The following MED31 variants were observed in gnomAD, a reference collection of about 807,000 sequenced individuals.
MED31 encodes mediator complex subunit 31, also known as mediator of RNA polymerase II transcription subunit 31.
MED31 carries 11 observed loss-of-function variants against 22.0 expected under a neutral mutation model. That is an observed-to-expected ratio of 0.50 (90% CI 0.31 to 0.83). The LOEUF is 0.83. MED31 is among the 40% of genes least tolerant of loss of function. The pLI is 0.04. For synonymous variants in MED31, 60 were observed against 55.1 expected, an observed-to-expected ratio of 1.09 and a Z score of -0.40; for missense variants, 122 against 155.3, an observed-to-expected ratio of 0.79 and a Z score of 1.14.
chr17:6,647,237 T>C (rs774034555), intron 3 of MED31, among the ~76,000 whole-genome samples: 2 of 152,224 alleles, frequency 1.3e-5, no homozygotes, highest in Non-Finnish European at 2.9e-5. Flanking sequence ...CCTCGCATGC[T>C]GAGTGTGCCG....
intron 3 of MED31, among the ~76,000 whole-genome samples, chr17:6,644,897 C>A (rs576101828): frequency 7.2e-5 from 11 of 152,328 alleles, no homozygotes; most frequent in Non-Finnish European, 1.5e-4. Context: ...CAAGACCACA[C>A]AACACAGTAA....
chr17:6,644,064 G>A lies in MED31; in HGVS notation c.*403C>T, dbSNP rs920559252. ...CTACATCTTAGAGTAGAGTGGTAGA[G>A]TAGTTGATCTGAGACAGTAAGGTTC... On this transcript the variant is annotated 3_prime_UTR_variant, in exon 4 of 4. Coordinates refer to ENST00000225728, the MANE Select transcript of MED31 (RefSeq NM_016060.3). 9.8e-6 allele frequency: 4 copies of A among 406,168 alleles called. No individual in the cohort carries two copies. The East Asian group carries it at 1.1e-4, about 11-fold the overall frequency. The allele number at this position is 406,168 out of a possible 1,614,324, so 25.2% of individuals were successfully genotyped here.
rs773946993 is a variant in MED31, at chr17:6,644,497, C to T, written c.366G>A (p.Gln122=). Residue 122 remains glutamine (Q), a synonymous_variant, in exon 4 of 4, where the codon CAG becomes CAA. Transcript: ENST00000225728. ...RMRLQQALAE[Q]QQQNNTSGK Reference sequence around the variant, plus strand: ...TTCCCGATGTGTTATTTTGCTGTTGCTGCTCTGCCAAGGCTTGCTGAAGGC... The same window carrying T: ...TTCCCGATGTGTTATTTTGCTGTTGTTGCTCTGCCAAGGCTTGCTGAAGGC... 8 of 1,605,410 alleles carry T rather than the reference C, an allele frequency of 5.0e-6. No homozygotes were observed. The African/African-American group carries it at 1.1e-4, about 22-fold the overall frequency.
At chr17:6,649,527 G>T (rs534769590) in intron 3 of MED31, among the ~76,000 whole-genome samples, 26 of 152,134 alleles carry the variant, frequency 1.7e-4, no homozygotes, top group Admixed American at 1.7e-3. Flanking sequence ...TTTACAGATT[G>T]TGAGTTCTTA....
rs149217443 is a variant in MED31 at position 6,649,492 on chromosome 17, T to G, written c.203+490A>C. On this transcript the variant is annotated intron_variant, in intron 3 of 3. Transcript: ENST00000225728. ...TCCTTACAGATACCCTCTTTTAATTTCAGCCCATGGCTTATGCTACTACAT... is the reference window on the plus strand; with the variant it reads ...TCCTTACAGATACCCTCTTTTAATTGCAGCCCATGGCTTATGCTACTACAT... Among the ~76,000 whole-genome samples the G allele has an allele frequency of 4.6e-3, 697 of 152,326 alleles. 2 individuals are homozygous for G. The highest frequency in any genetic ancestry group is 0.016 in the African/African-American group (666 of 41,580).
At chr17:6,650,811 G>A (rs944963579) in intron 1 of MED31, among the ~76,000 whole-genome samples, 1 of 152,086 alleles carries the variant, frequency 6.6e-6, no homozygotes. Context: ...TTTCGCAAAC[G>A]CTAGGGGCTG....
rs376232583 is a variant in MED31, at chr17:6,651,580, G to C, written c.-52C>G. The C allele has an allele frequency of 1.6e-5, 25 of 1,611,724 alleles. No individual in the cohort carries two copies. The highest frequency in any genetic ancestry group is 1.7e-5 in the Non-Finnish European group (20 of 1,178,962). ...CAGCCTGACAGAGCAAAAGCCCAGA[G>C]ACGCGGGCGAAGTTCCGGAAACCAC... On this transcript the variant is annotated 5_prime_UTR_variant, in exon 1 of 4. Transcript: ENST00000225728.
chr17:6,651,250 C>A (rs1319605376), intron 1 of MED31: 1 of 478,042 alleles, frequency 2.1e-6, no homozygotes, highest in East Asian at 3.3e-5. Context: ...ACACACAAGT[C>A]CTCTCCCTTA....
Position 6,644,380 on chromosome 17 carries a change from AGG to A in MED31, c.*85_*86del. 7.0e-7 allele frequency: 1 copy of A among 1,430,958 alleles called. No homozygotes were observed. Among genetic ancestry groups the A allele is most frequent in the Non-Finnish European group, 9.3e-7 (1 of 1,080,210 alleles). 88.6% of individuals were successfully genotyped at this position (1,430,958 alleles called of 1,614,324 possible). A position where few individuals can be genotyped will look rare whatever the true frequency, so the allele number is the denominator to read the frequency against. Reference sequence around the variant, plus strand: ...AGGGGCTACCATAATAAAGGTAGATAGGAAGAGTTTTCATTTTTTTTGTCTTC... The same window carrying A: ...AGGGGCTACCATAATAAAGGTAGATAAAGAGTTTTCATTTTTTTTGTCTTC... On this transcript the variant is annotated 3_prime_UTR_variant, in exon 4 of 4. Transcript: ENST00000225728.
At position 6,644,210 on chromosome 17, in the gene MED31, C is replaced by T. The variant is rs1972734777; in HGVS notation, c.*257G>A. The T allele has an allele frequency of 4.1e-6, 2 of 483,776 alleles. No homozygotes were observed. The highest frequency in any genetic ancestry group is 7.7e-5 in the Admixed American group (2 of 25,826). The allele number at this position is 483,776 out of a possible 1,614,324, so 30.0% of individuals were successfully genotyped here. On this transcript the variant is annotated 3_prime_UTR_variant, in exon 4 of 4. Transcript: ENST00000225728. ...ATTTGGTCTAAAGCACCTAACTTTT[C>T]CATTCTTAATCAGCTGATTATGCTA... is the stretch of plus-strand genomic sequence containing the variant.
intron 3 of MED31, among the ~76,000 whole-genome samples, chr17:6,647,636 C>A (rs746381577): frequency 8.5e-5 from 13 of 152,222 alleles, no homozygotes; most frequent in Non-Finnish European, 1.6e-4. Flanking sequence ...CAAAGATTTG[C>A]TATCCACACA....
At position 6,650,032 on chromosome 17, in the gene MED31, A is replaced by G; in HGVS notation, c.153T>C (p.Tyr51=). The G allele has an allele frequency of 6.2e-7, 1 of 1,603,444 alleles. No individual in the cohort carries two copies. Among genetic ancestry groups the G allele is most frequent in the Non-Finnish European group, 8.5e-7 (1 of 1,177,390 alleles). ...GYFKDKAFVN[Y]LKYLLYWKDP... ...CTTTCCAGTAAAGCAAGTATTTAAG[A>G]TAATTAACAAAAGCTTTGTCTTTGA... Residue 51 remains tyrosine, a synonymous_variant, in exon 3 of 4, where the codon TAT becomes TAC. Transcript: ENST00000225728.
In MED31 at chr17:6,644,086, G is replaced by T. The variant is rs570651782; in HGVS notation, c.*381C>A. 1.5e-5 allele frequency: 6 copies of T among 409,926 alleles called. No homozygotes were observed. Among genetic ancestry groups the T allele is most frequent in the Non-Finnish European group, 2.2e-5 (5 of 232,396 alleles). 25.4% of individuals were successfully genotyped at this position (409,926 alleles called of 1,614,324 possible). A position where few individuals can be genotyped will look rare whatever the true frequency, so the allele number is the denominator to read the frequency against. ...AGAGTAGTTGATCTGAGACAGTAAGGTTCCAGGAGATGGTCTTGCCCTACT... is the reference window on the plus strand; with the variant it reads ...AGAGTAGTTGATCTGAGACAGTAAGTTTCCAGGAGATGGTCTTGCCCTACT... On this transcript the variant is annotated 3_prime_UTR_variant, in exon 4 of 4. Coordinates refer to ENST00000225728, the MANE Select transcript of MED31 (RefSeq NM_016060.3).
intron 3 of MED31, 153 bp downstream of exon 3, chr17:6,649,829 T>C (rs1455702863): frequency 5.7e-6 from 4 of 703,698 alleles, no homozygotes; most frequent in Non-Finnish European, 6.4e-6. Flanking sequence ...ATTACTGCAG[T>C]GTTACAAGTT....
In MED31 at chr17:6,651,542, A is replaced by C; in HGVS notation, c.-14T>G. On this transcript the variant is annotated 5_prime_UTR_variant, in exon 1 of 4. Transcript: ENST00000225728. ...AGCAGCGGCCATAACAAACGAAGACACCAAAACGCCACCAGCCTGACAGAG... is the reference window on the plus strand; with the variant it reads ...AGCAGCGGCCATAACAAACGAAGACCCCAAAACGCCACCAGCCTGACAGAG... The C allele has an allele frequency of 6.2e-7, 1 of 1,614,090 alleles. No homozygotes were observed. The highest frequency in any genetic ancestry group is 8.5e-7 in the Non-Finnish European group (1 of 1,179,998).
chr17:6,648,982 T>A (rs1442830459), intron 3 of MED31, among the ~76,000 whole-genome samples: 1 of 152,316 alleles, frequency 6.6e-6, no homozygotes, highest in South Asian at 2.1e-4. Flanking sequence ...TAAAAGTCTG[T>A]TCTTTGGATT....
At chr17:6,650,981 A>C (rs1255446409) in intron 1 of MED31, among the ~76,000 whole-genome samples, 5 of 151,622 alleles carry the variant, frequency 3.3e-5, no homozygotes, top group South Asian at 2.1e-4. Context: ...ATTAGCCGGG[A>C]GCGGTGGCGG....
At position 6,644,370 on chromosome 17, in the gene MED31, A is replaced by G; in HGVS notation, c.*97T>C. 3.7e-6 allele frequency: 5 copies of G among 1,368,548 alleles called. No individual in the cohort carries two copies. In the Admixed American group the frequency reaches 1.1e-4, roughly 30 times the overall value. 84.8% of individuals were successfully genotyped at this position (1,368,548 alleles called of 1,614,324 possible). ...TAAAGGTTCTAGGGGCTACCATAAT[A>G]AAGGTAGATAGGAAGAGTTTTCATT... On this transcript the variant is annotated 3_prime_UTR_variant, in exon 4 of 4. Coordinates refer to ENST00000225728, the MANE Select transcript of MED31 (RefSeq NM_016060.3).
At position 6,650,891 on chromosome 17, in the gene MED31, T is replaced by C. The variant is rs549370880; in HGVS notation, c.29-458A>G. ...TAAAAGATCATGCAGCGCATGCATA[T>C]AAGAAGCACCAGGGTCAGGAGATCG... On this transcript the variant is annotated intron_variant, in intron 1 of 3. Coordinates refer to ENST00000225728, the MANE Select transcript of MED31 (RefSeq NM_016060.3). 2.0e-5 allele frequency among the ~76,000 whole-genome samples: 3 copies of C among 151,760 alleles called. No individual in the cohort carries two copies. The South Asian group carries it at 6.3e-4, about 32-fold the overall frequency.
Sources: allele counts gnomAD v4.1 joint callset (sites outside exome capture counted in the v4.1 genomes callset), GRCh38; gene constraint gnomAD v4.1.1; transcripts MANE v1.5; gene names NCBI Gene and HGNC (gene_info 2026-07-23, HGNC 2026-07-21).